C12orf42: variants seen among roughly 807,000 people sequenced by gnomAD.
C12orf42 encodes uncharacterized protein C12orf42.
Under a neutral mutation model 21.6 loss-of-function variants are expected in C12orf42, and 25 were observed. The ratio of observed to expected loss-of-function variants is 1.16; its 90% CI spans 0.84 to 1.62. The LOEUF (loss-of-function observed/expected upper bound fraction) is 1.62, where lower values mean the gene tolerates loss of function less well. Among genes scored for constraint, C12orf42 ranks in the 40% most tolerant of loss-of-function variants. The pLI, the probability that C12orf42 is intolerant of heterozygous loss-of-function variation, is 0.00. For synonymous variants in C12orf42, 174 were observed against 175.0 expected (o/e 0.99, Z 0.05); for missense variants, 483 against 459.3 (o/e 1.05, Z -0.47).
At chr12:103,443,290 C>T (rs532176293) in intron 2 of C12orf42, among the ~76,000 whole-genome samples, 2 of 152,264 alleles carry the variant, frequency 1.3e-5, no homozygotes, top group East Asian at 1.9e-4. Context: ...GAGCCCTCAA[C>T]CAGTGGCCCA....
chr12:103,366,192 A>G (rs1278019467), intron 4 of C12orf42, among the ~76,000 whole-genome samples: 1 of 151,982 alleles, frequency 6.6e-6, no homozygotes, highest in Non-Finnish European at 1.5e-5. Flanking sequence ...TTGACAAAGC[A>G]AACAAAAACA....
At chr12:103,217,049 G>T in the C12orf42 span, among the ~76,000 whole-genome samples, 1 of 151,858 alleles carries the variant, frequency 6.6e-6, no homozygotes, top group African/African-American at 2.4e-5. Flanking sequence ...CACCGTGTTG[G>T]CGAGGGTTGT....
chr12:103,332,030 T>C (rs541839439), intron 4 of C12orf42, among the ~76,000 whole-genome samples: 2 of 152,154 alleles, frequency 1.3e-5, no homozygotes, highest in East Asian at 1.9e-4. Context: ...CTAGGAAATA[T>C]ATAGAAGCAG....
At chr12:103,225,973 GAGTC>G in the C12orf42 span, among the ~76,000 whole-genome samples, 10 of 152,358 alleles carry the variant, frequency 6.6e-5, no homozygotes, top group East Asian at 1.9e-4. Flanking sequence ...ATCTGGGAAG[GAGTC>G]AGTCAGAGAG....
chr12:103,139,666 A>T, the C12orf42 span, among the ~76,000 whole-genome samples: 1 of 152,222 alleles, frequency 6.6e-6, no homozygotes, highest in East Asian at 1.9e-4. Flanking sequence ...ATATAGGCTG[A>T]CTTTGAGGTC....
At chr12:103,526,609 A>T in the C12orf42 span, among the ~76,000 whole-genome samples, 1 of 152,204 alleles carries the variant, frequency 6.6e-6, no homozygotes, top group Non-Finnish European at 1.5e-5. Context: ...CCCAAAATTC[A>T]TATGTTCAAG....
the C12orf42 span, among the ~76,000 whole-genome samples, chr12:103,509,639 T>C: frequency 1.2e-4 from 18 of 152,310 alleles, no homozygotes; most frequent in African/African-American, 4.3e-4. Flanking sequence ...ATTCCCGTTT[T>C]GAGCACTGCA....
intron 2 of C12orf42, among the ~76,000 whole-genome samples, chr12:103,433,745 G>C (rs1368925164): frequency 6.6e-6 from 1 of 152,200 alleles, no homozygotes; most frequent in Non-Finnish European, 1.5e-5. Context: ...AACTTGTTCA[G>C]ATTGTGACTC....
chr12:103,465,106 A>ATT (rs1246796320), intron 2 of C12orf42, among the ~76,000 whole-genome samples: 1 of 152,110 alleles, frequency 6.6e-6, no homozygotes, highest in Non-Finnish European at 1.5e-5. Flanking sequence ...TTCCATATAA[A>ATT]TTTTAAAGTA....
the C12orf42 span, among the ~76,000 whole-genome samples, chr12:103,058,433 A>G: frequency 6.6e-6 from 1 of 152,074 alleles, no homozygotes; most frequent in African/African-American, 2.4e-5. Flanking sequence ...TTGTCTGTTC[A>G]CTCTGATGCA....
At chr12:103,085,331 T>C in the C12orf42 span, among the ~76,000 whole-genome samples, 1 of 152,154 alleles carries the variant, frequency 6.6e-6, no homozygotes, top group Non-Finnish European at 1.5e-5. Flanking sequence ...TGTCTTTCAT[T>C]TTTCACTGTT....
At chr12:103,326,880 C>A (rs73185857) in intron 4 of C12orf42, among the ~76,000 whole-genome samples, 23,775 of 152,162 alleles carry the variant, frequency 0.16, 1,969 homozygotes, top group Middle Eastern at 0.24. Context: ...CTGGCTACTG[C>A]ACTAGAATGT....
At chr12:103,430,492 G>A (rs1950185148) in intron 2 of C12orf42, among the ~76,000 whole-genome samples, 1 of 152,154 alleles carries the variant, frequency 6.6e-6, no homozygotes, top group South Asian at 2.1e-4. Context: ...TAGAGAAAAA[G>A]GAACACTTTT....
the C12orf42 span, among the ~76,000 whole-genome samples, chr12:103,540,703 A>T: frequency 6.6e-6 from 1 of 152,168 alleles, no homozygotes; most frequent in African/African-American, 2.4e-5. Flanking sequence ...TTTAAATAGC[A>T]TGTGACTGTA....
At chr12:103,496,189 G>A (rs1335791929), upstream of C12orf42, among the ~76,000 whole-genome samples, 1 of 152,186 alleles carries the variant, frequency 6.6e-6, no homozygotes, top group African/African-American at 2.4e-5. Flanking sequence ...TTCCGGGGGC[G>A]GCAAGGGGGA....
chr12:103,166,203 T>C, the C12orf42 span, among the ~76,000 whole-genome samples: 1 of 152,122 alleles, frequency 6.6e-6, no homozygotes, highest in Non-Finnish European at 1.5e-5. Context: ...GCAAGTAATA[T>C]GAATGTCTCT....
chr12:103,323,236 C>T (rs1294368711), intron 4 of C12orf42, among the ~76,000 whole-genome samples: 7 of 152,140 alleles, frequency 4.6e-5, no homozygotes, highest in South Asian at 4.1e-4. Context: ...ACTCCTGAAG[C>T]GGATTTCTAC....
At chr12:103,428,413 C>G (rs951817028) in intron 2 of C12orf42, among the ~76,000 whole-genome samples, 1 of 152,130 alleles carries the variant, frequency 6.6e-6, no homozygotes, top group Non-Finnish European at 1.5e-5. Context: ...CCAAACTAAA[C>G]CAGGAAGAAG....
At chr12:103,336,873 C>T (rs1325692456) in intron 4 of C12orf42, among the ~76,000 whole-genome samples, 1 of 152,110 alleles carries the variant, frequency 6.6e-6, no homozygotes, top group Non-Finnish European at 1.5e-5. Flanking sequence ...CCCTGAGAAG[C>T]ATAACAATAA....
Sources: gnomAD v4.1 joint callset for allele counts (sites outside exome capture counted in the v4.1 genomes callset) on GRCh38, gnomAD v4.1.1 for gene constraint, MANE v1.5 for transcripts, NCBI Gene and HGNC (gene_info 2026-07-23, HGNC 2026-07-21) for gene names.